Variants in PACS1 observed in about 807,000 individuals in gnomAD.
The protein encoded by PACS1 is phosphofurin acidic cluster sorting protein 1.
PACS1 carries 24 observed loss-of-function variants against 115.0 expected under a neutral mutation model. The ratio of observed to expected loss-of-function variants is 0.21; its 90% CI spans 0.15 to 0.29. The LOEUF is 0.29. Among genes scored for constraint, PACS1 ranks in the 10% least tolerant of loss-of-function variants. PACS1 has a pLI of 1.00. For missense variants in PACS1, 838 were observed against 1,251.2 expected, an observed-to-expected ratio of 0.67 and a Z score of 4.98; for synonymous variants, 453 against 504.5, an observed-to-expected ratio of 0.90 and a Z score of 1.37.
chr11:66,133,478 T>C (rs1021367268), intron 1 of PACS1, among the ~76,000 whole-genome samples: 11 of 152,176 alleles, frequency 7.2e-5, no homozygotes, highest in African/African-American at 2.7e-4. Flanking sequence ...GCTGATAATG[T>C]CCGTGGTTTA....
intron 2 of PACS1, among the ~76,000 whole-genome samples, chr11:66,207,192 CGCGGTG>C (rs1854961187): frequency 6.6e-6 from 1 of 152,186 alleles, no homozygotes; most frequent in Non-Finnish European, 1.5e-5. Flanking sequence ...CTTGGCCAGA[CGCGGTG>C]GCTCATGCCT....
chr11:66,110,387 C>T (rs1226914874), intron 1 of PACS1, among the ~76,000 whole-genome samples: 2 of 152,160 alleles, frequency 1.3e-5, no homozygotes, highest in East Asian at 3.8e-4. Flanking sequence ...TCATAGCTCA[C>T]TGCAGCCTCG....
At chr11:66,096,151 T>C (rs1857774733) in intron 1 of PACS1, among the ~76,000 whole-genome samples, 2 of 151,860 alleles carry the variant, frequency 1.3e-5, no homozygotes, top group Non-Finnish European at 2.9e-5. Flanking sequence ...CAGGCTGGTC[T>C]TGAACTCCTG....
intron 1 of PACS1, among the ~76,000 whole-genome samples, chr11:66,132,724 A>G (rs1858732382): frequency 6.6e-6 from 1 of 152,126 alleles, no homozygotes; most frequent in Non-Finnish European, 1.5e-5. Context: ...GCTAGAGTGC[A>G]GTGGTGGGAT....
chr11:66,190,564 T>C (rs914348277), intron 1 of PACS1, among the ~76,000 whole-genome samples: 8 of 152,172 alleles, frequency 5.3e-5, no homozygotes, highest in Non-Finnish European at 1.2e-4. Flanking sequence ...TTTCTTTTTA[T>C]TTTTAAGAGA....
intron 1 of PACS1, among the ~76,000 whole-genome samples, chr11:66,126,563 A>C (rs1858577087): frequency 6.6e-6 from 1 of 152,146 alleles, no homozygotes; most frequent in Non-Finnish European, 1.5e-5. Flanking sequence ...CACTGTATGT[A>C]ACACTGAAAT....
chr11:66,241,277 C>T (rs752786699), intron 21 of PACS1, 150 bp from the exon 22 acceptor site: 35 of 584,706 alleles, frequency 6.0e-5, no homozygotes, highest in Non-Finnish European at 9.7e-5. Flanking sequence ...TCCTCTCCTA[C>T]ATGAGCTGCT....
chr11:66,173,298 AT>A (rs1196701939), intron 1 of PACS1, among the ~76,000 whole-genome samples: 2 of 152,158 alleles, frequency 1.3e-5, no homozygotes, highest in Non-Finnish European at 2.9e-5. Context: ...ACAATTCTGT[AT>A]TCACAATTAT....
At chr11:66,101,695 C>T (rs764797303) in intron 1 of PACS1, among the ~76,000 whole-genome samples, 6 of 151,952 alleles carry the variant, frequency 3.9e-5, no homozygotes, top group South Asian at 2.1e-4. Flanking sequence ...TTGGTTTTAG[C>T]GGGGAAATGA....
intron 13 of PACS1, 161 bp from the exon 14 acceptor site, chr11:66,232,011 G>T: frequency 1.7e-6 from 1 of 577,216 alleles, no homozygotes; most frequent in South Asian, 2.2e-5. Flanking sequence ...CCTTTCCATC[G>T]TGGTCTGGCC....
intron 1 of PACS1, among the ~76,000 whole-genome samples, chr11:66,101,567 G>A (rs1219290173): frequency 6.6e-6 from 1 of 152,200 alleles, no homozygotes; most frequent in East Asian, 1.9e-4. Flanking sequence ...AGGCTTCAAA[G>A]AAAGGGTAGT....
chr11:66,216,516 G>T lies in PACS1; in HGVS notation c.806-4G>T. 1.2e-6 allele frequency: 2 copies of T among 1,611,332 alleles called. No homozygotes were observed. The highest frequency in any genetic ancestry group is 1.7e-6 in the Non-Finnish European group (2 of 1,177,444). On this transcript the variant is annotated splice_polypyrimidine_tract_variant and splice_region_variant and intron_variant, in intron 5 of 23. Coordinates refer to ENST00000320580, the MANE Select transcript of PACS1 (RefSeq NM_018026.4). ...AGGTTATCTTACTCAGGTGTCTGTT[G>T]CAGATCGTTCTCCTGATATTGACAA...
chr11:66,182,984 T>C (rs1159791358), intron 1 of PACS1, among the ~76,000 whole-genome samples: 1 of 151,840 alleles, frequency 6.6e-6, no homozygotes, highest in East Asian at 1.9e-4. Context: ...ACAAAAATTA[T>C]CTGGGTGTGG....
intron 1 of PACS1, among the ~76,000 whole-genome samples, chr11:66,147,645 TAAC>T (rs933237274): frequency 2.0e-5 from 3 of 152,094 alleles, no homozygotes; most frequent in African/African-American, 7.2e-5. Context: ...GCAAAAATAA[TAAC>T]AATGTATTAT....
rs980731349 is a variant in PACS1, at chr11:66,070,687, C to G, written c.201C>G (p.Ser67=). The change falls in exon 1 of 24, where the codon TCC becomes TCG. Residue 67 remains serine, a synonymous_variant. Transcript: ENST00000320580. The surrounding 1 kb of genome is among the most constrained non-coding windows in gnomAD (Gnocchi z 5.9). ...CCACCTCGGCGGCGGCTGCCTCCTC[C>G]TCGTCCTCGTCTACCTCCACCTCCA... The part of the protein sequence containing the change: ...SSSTSAAAAS[S]SSSSTSTSMA... 6.3e-7 allele frequency: 1 copy of G among 1,578,636 alleles called. No individual in the cohort carries two copies. The highest frequency in any genetic ancestry group is 1.7e-5 in the Admixed American group (1 of 58,380).
At position 66,230,830 on chromosome 11, in the gene PACS1, CG is replaced by C; in HGVS notation, c.1518del (p.Gln507ArgfsTer7). 1 of 1,614,148 alleles carries C rather than the reference CG, an allele frequency of 6.2e-7. No individual in the cohort carries two copies. The highest frequency in any genetic ancestry group is 8.5e-7 in the Non-Finnish European group (1 of 1,179,990). ...CAAAGTGGAGGGGGTGCACACACCC[CG>C]GCAGAAGAGGAGCACGCCCCTGAAG... ...PSKVEGVHTPRQKRSTPLKER... is the reference protein window; with the variant it reads ...PSKVEGVHTPXQKRSTPLKER... On this transcript the variant is annotated frameshift_variant, in exon 13 of 24. Transcript: ENST00000320580. LOFTEE classifies it high-confidence loss of function.
intron 10 of PACS1, 46 bp from the exon 11 acceptor site, chr11:66,227,458 G>C: frequency 9.6e-7 from 1 of 1,044,476 alleles, no homozygotes; most frequent in Non-Finnish European, 1.5e-6. Context: ...AAATTAAAGT[G>C]GTAGTTATTT....
At chr11:66,079,720 T>G (rs978933127) in intron 1 of PACS1, among the ~76,000 whole-genome samples, 2 of 152,154 alleles carry the variant, frequency 1.3e-5, no homozygotes, top group African/African-American at 4.8e-5. Flanking sequence ...TCTCATGAAG[T>G]CTGCATTCTA....
At chr11:66,128,518 G>A (rs1312130810) in intron 1 of PACS1, among the ~76,000 whole-genome samples, 2 of 152,090 alleles carry the variant, frequency 1.3e-5, no homozygotes, top group Admixed American at 6.5e-5. Context: ...TGGGTGTTGG[G>A]CAAACTAGGC....
Sources: allele counts gnomAD v4.1 joint callset (sites outside exome capture counted in the v4.1 genomes callset), GRCh38; gene constraint gnomAD v4.1.1; non-coding constraint Gnocchi (gnomAD v3.1); transcripts MANE v1.5; gene names NCBI Gene and HGNC (gene_info 2026-07-23, HGNC 2026-07-21).